Variants in NEGR1 observed in about 807,000 individuals in gnomAD.
NEGR1 encodes IgLON family member 4.
NEGR1 carries 10 observed loss-of-function variants against 40.9 expected under a neutral mutation model. The observed-to-expected ratio is 0.24, with a 90% confidence interval of 0.15 to 0.42. NEGR1 has a LOEUF of 0.42. Among genes scored for constraint, NEGR1 ranks in the 10% least tolerant of loss-of-function variants. NEGR1 has a pLI of 1.00. For synonymous variants in NEGR1, 185 were observed against 166.8 expected (o/e 1.11, Z -0.84); for missense variants, 352 against 438.9 (o/e 0.80, Z 1.77).
chr1:71,761,758 A>G (rs1369677317), intron 3 of NEGR1, among the ~76,000 whole-genome samples: 1 of 152,148 alleles, frequency 6.6e-6, no homozygotes, highest in African/African-American at 2.4e-5. Context: ...TCCGACAAGG[A>G]AGACTAAGAG....
chr1:71,423,953 A>G (rs2101283556), intron 6 of NEGR1, among the ~76,000 whole-genome samples: 1 of 151,962 alleles, frequency 6.6e-6, no homozygotes, highest in East Asian at 1.9e-4. Flanking sequence ...AGGGGTTATT[A>G]ATATCCTTAG....
intron 1 of NEGR1, among the ~76,000 whole-genome samples, chr1:72,053,920 G>A (rs1372059809): frequency 2.7e-5 from 4 of 150,562 alleles, no homozygotes; most frequent in African/African-American, 9.7e-5. Flanking sequence ...TCAACTAGAT[G>A]TTTGTTGAAC....
intron 6 of NEGR1, among the ~76,000 whole-genome samples, chr1:71,515,541 A>G (rs1464738763): frequency 8.2e-5 from 4 of 49,058 alleles, no homozygotes; most frequent in African/African-American, 4.6e-4. Flanking sequence ...TTTTGTCACC[A>G]CCAGGCCTGC....
intron 3 of NEGR1, among the ~76,000 whole-genome samples, chr1:71,738,587 T>C (rs901978295): frequency 3.8e-4 from 58 of 152,160 alleles, no homozygotes; most frequent in African/African-American, 1.4e-3. Context: ...GAGCTCTTAG[T>C]AACCCTTATA....
chr1:72,017,401 A>G (rs1188891766), intron 1 of NEGR1, among the ~76,000 whole-genome samples: 1 of 152,158 alleles, frequency 6.6e-6, no homozygotes, highest in African/African-American at 2.4e-5. Flanking sequence ...ATTATAAAGT[A>G]AACTTCTTAA....
chr1:72,219,944 C>A (rs1412591563), intron 1 of NEGR1, among the ~76,000 whole-genome samples: 1 of 151,954 alleles, frequency 6.6e-6, no homozygotes, highest in Non-Finnish European at 1.5e-5. Context: ...TCTACAGATA[C>A]ACTATTTTTA....
intron 1 of NEGR1, among the ~76,000 whole-genome samples, chr1:72,248,557 C>T (rs1654977588): frequency 6.9e-6 from 1 of 143,934 alleles, no homozygotes. Flanking sequence ...CACGCCCAGC[C>T]TGAGACTTCT....
chr1:71,408,851 G>A (rs1646296748), intron 6 of NEGR1: 1 of 151,898 alleles, frequency 6.6e-6, no homozygotes, highest in Admixed American at 6.6e-5. Context: ...AGTCTGAATT[G>A]CCAGCAGATA....
intron 1 of NEGR1, among the ~76,000 whole-genome samples, chr1:72,047,313 G>A (rs1028157167): frequency 3.3e-5 from 5 of 151,348 alleles, no homozygotes; most frequent in African/African-American, 9.7e-5. Flanking sequence ...CTGTCATGCA[G>A]CATGTAAGAA....
chr1:71,998,413 A>G (rs1646524342), intron 1 of NEGR1, among the ~76,000 whole-genome samples: 1 of 151,956 alleles, frequency 6.6e-6, no homozygotes. Context: ...TAAATTCCAC[A>G]ATCGCTGGCA....
chr1:72,051,338 A>G (rs547022229), intron 1 of NEGR1, among the ~76,000 whole-genome samples: 4 of 151,470 alleles, frequency 2.6e-5, no homozygotes, highest in South Asian at 4.1e-4. Flanking sequence ...TTTCTCCAAT[A>G]TAAATATATT....
chr1:71,855,675 T>C (rs1324054075), intron 2 of NEGR1, among the ~76,000 whole-genome samples: 1 of 151,888 alleles, frequency 6.6e-6, no homozygotes, highest in Non-Finnish European at 1.5e-5. Context: ...TTAAAATTAA[T>C]AATGTTCTGT....
rs112457315 is a variant in NEGR1 at position 72,093,530 on chromosome 1, G to A, written c.177-158219C>T. Among the ~76,000 whole-genome samples the A allele has an allele frequency of 9.7e-3, 1,471 of 152,214 alleles. 32 individuals are homozygous for A. Among genetic ancestry groups the A allele is most frequent in the African/African-American group, 0.034 (1,408 of 41,510 alleles). ...AAATGTGGAAAGGCAAGATTATTCT[G>A]TGGTCATTATGTTCCTGTAATGTCA... On this transcript the variant is annotated intron_variant, in intron 1 of 6. Transcript: ENST00000357731.
chr1:71,591,851 A>T (rs1409527786), intron 6 of NEGR1, among the ~76,000 whole-genome samples: 3 of 152,178 alleles, frequency 2.0e-5, no homozygotes, highest in African/African-American at 7.2e-5. Flanking sequence ...TTGTAGGAAC[A>T]TCATATATCC....
chr1:71,960,773 A>T (rs1283427302), intron 1 of NEGR1, among the ~76,000 whole-genome samples: 1 of 152,186 alleles, frequency 6.6e-6, no homozygotes, highest in East Asian at 1.9e-4. Flanking sequence ...CAGAAATCTA[A>T]TTTTGGTTAA....
chr1:72,000,966 T>C (rs936332953), intron 1 of NEGR1, among the ~76,000 whole-genome samples: 1 of 151,942 alleles, frequency 6.6e-6, no homozygotes, highest in Non-Finnish European at 1.5e-5. Context: ...CACAGCCCCA[T>C]AGATAAGAAA....
intron 2 of NEGR1, among the ~76,000 whole-genome samples, chr1:71,897,996 C>A (rs546004234): frequency 6.6e-6 from 1 of 152,062 alleles, no homozygotes; most frequent in Admixed American, 6.6e-5. Context: ...TTTTACTTTA[C>A]GGATAGTATT....
intron 2 of NEGR1, among the ~76,000 whole-genome samples, chr1:71,780,790 C>T (rs758955192): frequency 6.6e-6 from 1 of 152,166 alleles, no homozygotes; most frequent in South Asian, 2.1e-4. Flanking sequence ...TTTAGATTCT[C>T]TAAAGATAAC....
chr1:71,847,499 G>T (rs775656259), intron 2 of NEGR1, among the ~76,000 whole-genome samples: 1 of 152,030 alleles, frequency 6.6e-6, no homozygotes, highest in Non-Finnish European at 1.5e-5. Context: ...ATTATTATAC[G>T]TGTTTTAGTG....
Sources: gnomAD v4.1 joint callset for allele counts (sites outside exome capture counted in the v4.1 genomes callset) on GRCh38, gnomAD v4.1.1 for gene constraint, MANE v1.5 for transcripts, NCBI Gene and HGNC (gene_info 2026-07-23, HGNC 2026-07-21) for gene names.